Variants in C12orf42 observed in about 807,000 individuals in gnomAD.
C12orf42 encodes the protein chromosome 12 open reading frame 42.
A neutral mutation model predicts 21.6 loss-of-function variants in C12orf42; 25 were observed. The observed-to-expected ratio is 1.16, with a 90% CI of 0.84 to 1.62. The LOEUF is 1.62. Among genes scored for constraint, C12orf42 ranks in the 40% most tolerant of loss-of-function variants. The pLI is 0.00. For synonymous variants in C12orf42, 174 were observed against 175.0 expected (o/e 0.99, Z 0.05); for missense variants, 483 against 459.3 (o/e 1.05, Z -0.47).
intron 2 of C12orf42, among the ~76,000 whole-genome samples, chr12:103,472,204 G>A (rs976558665): frequency 7.9e-5 from 12 of 151,612 alleles, no homozygotes; most frequent in Non-Finnish European, 1.8e-4. Flanking sequence ...ACAGGCACCC[G>A]CCACCATGCC....
chr12:103,557,252 C>T, the C12orf42 span, among the ~76,000 whole-genome samples: 1 of 152,098 alleles, frequency 6.6e-6, no homozygotes, highest in African/African-American at 2.4e-5. Flanking sequence ...TTAGAAACCA[C>T]AGAAAATATG....
At chr12:103,409,970 G>A (rs773535173) in intron 2 of C12orf42, among the ~76,000 whole-genome samples, 10 of 152,158 alleles carry the variant, frequency 6.6e-5, no homozygotes, top group Non-Finnish European at 1.3e-4. Context: ...AATTGCAAAT[G>A]AGTCCCAGAC....
At chr12:103,458,829 A>G (rs914478013) in intron 2 of C12orf42, among the ~76,000 whole-genome samples, 1 of 152,124 alleles carries the variant, frequency 6.6e-6, no homozygotes, top group Admixed American at 6.6e-5. Flanking sequence ...TGACCACAGG[A>G]TCTCTCACAA....
chr12:103,070,701 T>C, the C12orf42 span, among the ~76,000 whole-genome samples: 1 of 152,028 alleles, frequency 6.6e-6, no homozygotes, highest in Non-Finnish European at 1.5e-5. Context: ...GAAATGCAGG[T>C]AGGGAAGAGA....
At chr12:103,200,484 A>G in the C12orf42 span, among the ~76,000 whole-genome samples, 1 of 152,218 alleles carries the variant, frequency 6.6e-6, no homozygotes, top group Admixed American at 6.5e-5. Context: ...TTGTGTTCTA[A>G]TCACACAAAA....
chr12:103,539,539 T>C, the C12orf42 span, among the ~76,000 whole-genome samples: 3 of 152,230 alleles, frequency 2.0e-5, no homozygotes, highest in East Asian at 5.8e-4. Flanking sequence ...TTAAAATATA[T>C]CTTATGTCAT....
the C12orf42 span, among the ~76,000 whole-genome samples, chr12:103,049,492 C>A: frequency 6.6e-6 from 1 of 152,180 alleles, no homozygotes; most frequent in Non-Finnish European, 1.5e-5. Context: ...CTCTCCCCTT[C>A]TGTCCTTGCC....
chr12:103,439,958 C>T (rs1239532060), intron 2 of C12orf42, among the ~76,000 whole-genome samples: 45 of 149,714 alleles, frequency 3.0e-4, no homozygotes, highest in Non-Finnish European at 4.7e-4. Context: ...CACATGCACA[C>T]GTATGTTTAT....
chr12:103,235,541 A>G (rs1273833790), downstream of C12orf42, among the ~76,000 whole-genome samples: 2 of 152,110 alleles, frequency 1.3e-5, no homozygotes, highest in Non-Finnish European at 2.9e-5. Flanking sequence ...ACTTATTAAC[A>G]TTTCTCTTAT....
At chr12:103,202,437 A>G in the C12orf42 span, among the ~76,000 whole-genome samples, 19 of 152,318 alleles carry the variant, frequency 1.2e-4, no homozygotes, top group Admixed American at 1.3e-4. Context: ...AGGATTTGAG[A>G]TCATACACCC....
intron 4 of C12orf42, among the ~76,000 whole-genome samples, chr12:103,342,823 C>A (rs754437651): frequency 6.6e-6 from 1 of 152,080 alleles, no homozygotes; most frequent in Non-Finnish European, 1.5e-5. Flanking sequence ...TGTCCTGACA[C>A]AGAGGTCTCC....
the C12orf42 span, among the ~76,000 whole-genome samples, chr12:103,148,249 C>T: frequency 0.3 from 45,114 of 151,966 alleles, 7,113 homozygotes; most frequent in East Asian, 0.4. Flanking sequence ...AATTAAAAGG[C>T]CTTACTAATT....
chr12:103,453,907 AACATAAGC>A (rs1952118330), intron 2 of C12orf42, among the ~76,000 whole-genome samples: 1 of 152,062 alleles, frequency 6.6e-6, no homozygotes, highest in African/African-American at 2.4e-5. Flanking sequence ...TCCTTTACTC[AACATAAGC>A]ACTTAGAGGC....
the C12orf42 span, among the ~76,000 whole-genome samples, chr12:103,151,430 G>C: frequency 1.3e-5 from 2 of 152,010 alleles, no homozygotes; most frequent in Non-Finnish European, 2.9e-5. Flanking sequence ...AACATTTCAA[G>C]AAAGAAAAAT....
the C12orf42 span, among the ~76,000 whole-genome samples, chr12:103,048,484 G>A: frequency 1.3e-5 from 2 of 152,136 alleles, no homozygotes; most frequent in Admixed American, 6.5e-5. Flanking sequence ...CGTGTGGAAC[G>A]TCTGACCAAG....
chr12:103,132,847 G>A, the C12orf42 span, among the ~76,000 whole-genome samples: 823 of 152,226 alleles, frequency 5.4e-3, 10 homozygotes, highest in East Asian at 0.048. Context: ...TCCCCGAAAC[G>A]TCTGGCATAA....
chr12:103,183,121 C>T, the C12orf42 span, among the ~76,000 whole-genome samples: 1 of 152,186 alleles, frequency 6.6e-6, no homozygotes, highest in Non-Finnish European at 1.5e-5. Context: ...TCTTCTCTGT[C>T]GCCAGGCTGG....
At chr12:103,561,590 A>G in the C12orf42 span, among the ~76,000 whole-genome samples, 1 of 152,138 alleles carries the variant, frequency 6.6e-6, no homozygotes. Context: ...CCACCTCCTA[A>G]TACCATCCCA....
chr12:103,519,492 A>C, the C12orf42 span, among the ~76,000 whole-genome samples: 1 of 152,132 alleles, frequency 6.6e-6, no homozygotes, highest in Non-Finnish European at 1.5e-5. Flanking sequence ...ATAATATTGG[A>C]CAAATTACTT....
Sources: gnomAD v4.1 joint callset for allele counts (sites outside exome capture counted in the v4.1 genomes callset) on GRCh38, gnomAD v4.1.1 for gene constraint, MANE v1.5 for transcripts, NCBI Gene and HGNC (gene_info 2026-07-23, HGNC 2026-07-21) for gene names.